THOC2: variants seen among roughly 807,000 people sequenced by gnomAD.
The protein encoded by THOC2 is THO complex subunit 2.
A neutral mutation model predicts 128.4 loss-of-function variants in THOC2; 10 were observed. That is an observed-to-expected ratio of 0.08 (90% CI 0.05 to 0.13). THOC2 has a LOEUF of 0.13. Ranked by LOEUF, THOC2 falls within the 10% of genes least tolerant of loss-of-function variation. THOC2 has a pLI of 1.00. For missense variants in THOC2, 535 were observed against 1,155.7 expected (o/e 0.46, Z 7.79); for synonymous variants, 393 against 396.9 (o/e 0.99, Z 0.12).
chrX:123,705,301 G>T (rs760158708), intron 3 of THOC2, among the ~76,000 whole-genome samples: 1 of 111,383 alleles, frequency 9.0e-6, no homozygotes, highest in African/African-American at 3.2e-5. Context: ...AATGAAAAAA[G>T]AATCAGAATC....
At chrX:123,672,385 C>T (rs1666249304) in intron 8 of THOC2, among the ~76,000 whole-genome samples, 1 of 109,790 alleles carries the variant, frequency 9.1e-6, no homozygotes, top group Admixed American at 9.7e-5. Flanking sequence ...GATCCTCCCA[C>T]CTCAGCCTCC....
At chrX:123,605,544 C>T (rs192037429) in intron 38 of THOC2, among the ~76,000 whole-genome samples, 1 of 111,643 alleles carries the variant, frequency 9.0e-6, no homozygotes, top group African/African-American at 3.3e-5. Flanking sequence ...AAAAAATATG[C>T]TGCAGCAAAT....
intron 22 of THOC2, among the ~76,000 whole-genome samples, chrX:123,629,143 AT>A (rs1029574436): frequency 4.7e-5 from 5 of 105,742 alleles, no homozygotes; most frequent in Non-Finnish European, 5.8e-5. Flanking sequence ...AAATATATAT[AT>A]TTTTTCTATA....
Position 123,627,864 on chromosome X carries a change from T to C in THOC2, c.2586A>G (p.Glu862=), listed in dbSNP as rs370884364. ...SCEMVMAPVH[E]AVVSLHVSKV... is the part of the protein sequence containing the mutation. ...TGGAAACATGTAAGGAGACCACTGC[T>C]TCATGGACAGGCGCCATCACCATCT... Residue 862 remains glutamate (E), a synonymous_variant, in exon 23 of 39, where the codon GAA becomes GAG. Transcript: ENST00000245838. 2 of 1,211,953 alleles carry C rather than the reference T, an allele frequency of 1.7e-6. No homozygotes were observed. Among genetic ancestry groups the C allele is most frequent in the African/African-American group, 3.5e-5 (2 of 57,878 alleles).
intron 5 of THOC2, among the ~76,000 whole-genome samples, chrX:123,697,143 TTCACC>T (rs1435229984): frequency 8.9e-6 from 1 of 111,969 alleles, no homozygotes; most frequent in East Asian, 2.8e-4. Flanking sequence ...TATCTGGACT[TTCACC>T]TAATACAGCA....
At chrX:123,705,102 A>C (rs1411579642) in intron 3 of THOC2, among the ~76,000 whole-genome samples, 8 of 111,697 alleles carry the variant, frequency 7.2e-5, no homozygotes. Flanking sequence ...AGCTGCAAGG[A>C]GACGCACAAG....
At chrX:123,715,019 C>CTTTTTT (rs368332983) in intron 1 of THOC2, among the ~76,000 whole-genome samples, 2 of 83,530 alleles carry the variant, frequency 2.4e-5, no homozygotes, top group African/African-American at 4.6e-5. Context: ...GCAATAAAGG[C>CTTTTTT]TTTTTTTTTT....
At chrX:123,719,052 C>A (rs1057047662) in intron 1 of THOC2, among the ~76,000 whole-genome samples, 3 of 108,460 alleles carry the variant, frequency 2.8e-5, no homozygotes, top group Non-Finnish European at 5.7e-5. Flanking sequence ...GTGGCGGGCG[C>A]CTGTAGTCCC....
At chrX:123,619,639 C>G (rs1336129136) in intron 32 of THOC2, 1 of 385,419 alleles carries the variant, frequency 2.6e-6, no homozygotes, top group Non-Finnish European at 4.6e-6. Context: ...ATTAAATGTA[C>G]TCAATGTAAG....
intron 1 of THOC2, among the ~76,000 whole-genome samples, chrX:123,730,599 ATC>A (rs2052201319): frequency 1.8e-5 from 2 of 112,138 alleles, no homozygotes; most frequent in Admixed American, 9.5e-5. Context: ...GATCTCCTAC[ATC>A]ACTTTTTCTC....
chrX:123,618,499 G>A (rs1311621410), intron 33 of THOC2, among the ~76,000 whole-genome samples: 1 of 111,578 alleles, frequency 9.0e-6, no homozygotes, highest in Non-Finnish European at 1.9e-5. Flanking sequence ...AACTGGCTCT[G>A]TTTCAAAATT....
intron 36 of THOC2, among the ~76,000 whole-genome samples, chrX:123,612,623 G>A (rs998694783): frequency 9.0e-6 from 1 of 111,227 alleles, no homozygotes; most frequent in African/African-American, 3.3e-5. Context: ...ACAATACTGT[G>A]AATATACTAA....
At chrX:123,718,035 C>T (rs2051508050) in intron 1 of THOC2, among the ~76,000 whole-genome samples, 1 of 112,595 alleles carries the variant, frequency 8.9e-6, no homozygotes, top group Admixed American at 9.4e-5. Context: ...GGCCAGCCAA[C>T]TGTATATTAC....
chrX:123,649,256 G>C (rs376711890), intron 12 of THOC2, among the ~76,000 whole-genome samples: 3 of 111,957 alleles, frequency 2.7e-5, no homozygotes, highest in East Asian at 2.8e-4. Flanking sequence ...AAACAGAAAG[G>C]AATAGAGTCA....
At chrX:123,674,584 ACTT>A (rs2049408583) in intron 8 of THOC2, among the ~76,000 whole-genome samples, 1 of 110,710 alleles carries the variant, frequency 9.0e-6, no homozygotes, top group Admixed American at 9.7e-5. Flanking sequence ...ATAAGGATGA[ACTT>A]CTATCATTTT....
chrX:123,658,997 T>C (rs1469255032), intron 12 of THOC2, among the ~76,000 whole-genome samples: 2 of 112,230 alleles, frequency 1.8e-5, no homozygotes, highest in Admixed American at 9.4e-5. Flanking sequence ...CTAAAAAATA[T>C]ATAGGTGCTA....
intron 12 of THOC2, among the ~76,000 whole-genome samples, chrX:123,647,135 A>T (rs985430472): frequency 3.6e-5 from 4 of 111,882 alleles, no homozygotes; most frequent in African/African-American, 1.3e-4. Context: ...TTAAGCAGGA[A>T]AATTTGAAAA....
chrX:123,706,157 T>A (rs1666233589), intron 3 of THOC2, among the ~76,000 whole-genome samples: 1 of 111,461 alleles, frequency 9.0e-6, no homozygotes, highest in Admixed American at 9.6e-5. Flanking sequence ...CTAGTCGATA[T>A]TTTTTAAACC....
chrX:123,661,188 T>C (rs1165714169), intron 12 of THOC2, among the ~76,000 whole-genome samples: 1 of 111,978 alleles, frequency 8.9e-6, no homozygotes, highest in East Asian at 2.8e-4. Context: ...GCAGATCACC[T>C]GAGGTCAGGA....
Sources: gnomAD v4.1 joint callset for allele counts (sites outside exome capture counted in the v4.1 genomes callset) on GRCh38, gnomAD v4.1.1 for gene constraint, MANE v1.5 for transcripts, NCBI Gene and HGNC (gene_info 2026-07-23, HGNC 2026-07-21) for gene names.